WDR7: variants seen among roughly 807,000 people sequenced by gnomAD.
WDR7 encodes WD repeat domain 7, also known as WD repeat-containing protein 7.
A neutral mutation model predicts 169.4 loss-of-function variants in WDR7; 46 were observed. The ratio of observed to expected loss-of-function variants is 0.27; its 90% confidence interval spans 0.21 to 0.35. The LOEUF (loss-of-function observed/expected upper bound fraction) is 0.35, where lower values mean the gene tolerates loss of function less well. Among genes scored for constraint, WDR7 ranks in the 10% least tolerant of loss-of-function variants. The probability of loss-of-function intolerance (pLI) is 1.00; values close to 1 mark genes in which losing one functional copy is unlikely to be tolerated. For synonymous variants in WDR7, 612 were observed against 666.8 expected, an observed-to-expected ratio of 0.92 and a Z score of 1.27; for missense variants, 1,534 against 1,859.3, an observed-to-expected ratio of 0.83 and a Z score of 3.22.
chr18:56,817,270 G>A (rs2044990462), intron 20 of WDR7, among the ~76,000 whole-genome samples: 1 of 151,796 alleles, frequency 6.6e-6, no homozygotes, highest in South Asian at 2.1e-4. Context: ...GCTTGACCTG[G>A]GAGGTGGAGG....
At chr18:56,666,298 G>T (rs2025023167) in intron 1 of WDR7, among the ~76,000 whole-genome samples, 1 of 139,314 alleles carries the variant, frequency 7.2e-6, no homozygotes, top group African/African-American at 2.6e-5. Flanking sequence ...CCGTCTCCCG[G>T]GTTCAAGCGA....
chr18:56,861,067 A>T (rs2045797385), intron 20 of WDR7, among the ~76,000 whole-genome samples: 1 of 152,168 alleles, frequency 6.6e-6, no homozygotes, highest in Non-Finnish European at 1.5e-5. Context: ...TAAAAATATG[A>T]ATTTTTAAAT....
rs985997698 is a variant in WDR7, at chr18:57,029,010, A to G, written c.*1803A>G. The G allele has an allele frequency of 6.5e-6, 1 of 152,684 alleles. No homozygotes were observed. Among genetic ancestry groups the G allele is most frequent in the African/African-American group, 2.4e-5 (1 of 41,464 alleles). 9.5% of individuals were successfully genotyped at this position (152,684 alleles called of 1,614,324 possible). Reference sequence around the variant, plus strand: ...AGGTAAAAGGCTCACTTTGTTTTCCAGTGGGTCCAGAGTCTTCTCTATACC... The same window carrying G: ...AGGTAAAAGGCTCACTTTGTTTTCCGGTGGGTCCAGAGTCTTCTCTATACC... On this transcript the variant is annotated 3_prime_UTR_variant, in exon 28 of 28. Transcript: ENST00000254442.
rs554443657 is a variant in WDR7, at chr18:56,995,011, G to A, written c.4165-25734G>A. ...TTGCTAAAACAATTTAGTTTTTTTA[G>A]TTGCTCTTCGTATTTGTTGTGTTGA... On this transcript the variant is annotated intron_variant, in intron 26 of 27. Coordinates refer to ENST00000254442, the MANE Select transcript of WDR7 (RefSeq NM_015285.3). Among the ~76,000 whole-genome samples, 20 of 152,164 alleles carry A rather than the reference G, an allele frequency of 1.3e-4. No homozygotes were observed. The South Asian group carries it at 4.1e-3, about 32-fold the overall frequency.
intron 20 of WDR7, among the ~76,000 whole-genome samples, chr18:56,845,400 T>C (rs1216219551): frequency 1.3e-5 from 2 of 152,238 alleles, no homozygotes; most frequent in East Asian, 3.9e-4. Context: ...GTATTTTAAA[T>C]ATCTTTTCCA....
At chr18:56,790,836 C>T (rs1047934109) in intron 19 of WDR7, among the ~76,000 whole-genome samples, 2 of 151,994 alleles carry the variant, frequency 1.3e-5, no homozygotes, top group Non-Finnish European at 2.9e-5. Flanking sequence ...ATTTTAGCAC[C>T]TCTAGTACAC....
At chr18:56,662,633 T>G (rs2024928821) in intron 1 of WDR7, among the ~76,000 whole-genome samples, 1 of 152,186 alleles carries the variant, frequency 6.6e-6, no homozygotes, top group Non-Finnish European at 1.5e-5. Context: ...AACGTTCACT[T>G]GAGGCAAACG....
Position 56,789,697 on chromosome 18 carries a change from TG to T in WDR7, c.3190+8042del, listed in dbSNP as rs1252225889. On this transcript the variant is annotated intron_variant, in intron 19 of 27. Transcript: ENST00000254442. Reference sequence around the variant, plus strand: ...TGAAATAACTTTAGATCTTTCTTCATGTCCCCCTTTTCTCATTCACAAGTCT... The same window carrying T: ...TGAAATAACTTTAGATCTTTCTTCATTCCCCCTTTTCTCATTCACAAGTCT... 3.9e-5 allele frequency among the ~76,000 whole-genome samples: 6 copies of T among 152,234 alleles called. No individual in the cohort carries two copies. The East Asian group carries it at 1.2e-3, about 29-fold the overall frequency.
intron 21 of WDR7, among the ~76,000 whole-genome samples, chr18:56,882,752 A>G (rs960267848): frequency 6.6e-6 from 1 of 152,212 alleles, no homozygotes. Flanking sequence ...TGAAACTTTT[A>G]ATATACTCCT....
chr18:56,946,308 G>C (rs1399958181), intron 25 of WDR7, among the ~76,000 whole-genome samples: 1 of 152,174 alleles, frequency 6.6e-6, no homozygotes, highest in Non-Finnish European at 1.5e-5. Flanking sequence ...AGAACATGGT[G>C]GCCCCGTTAT....
At chr18:56,687,092 T>A in intron 7 of WDR7, 118 bp downstream of exon 7, 1 of 983,854 alleles carries the variant, frequency 1.0e-6, no homozygotes, top group East Asian at 2.7e-5. Flanking sequence ...CATTTAGAAT[T>A]CATGTCTGCT....
chr18:56,962,294 T>G, intron 25 of WDR7, 136 bp from the exon 26 acceptor site: 1 of 453,166 alleles, frequency 2.2e-6, no homozygotes, highest in Non-Finnish European at 3.8e-6. Context: ...CATAATATAT[T>G]TATTATGGAT....
At chr18:56,843,284 A>G (rs531340193) in intron 20 of WDR7, among the ~76,000 whole-genome samples, 3 of 152,322 alleles carry the variant, frequency 2.0e-5, no homozygotes, top group African/African-American at 4.8e-5. Flanking sequence ...GTATGTACAC[A>G]TTGTTGTTCA....
intron 25 of WDR7, among the ~76,000 whole-genome samples, chr18:56,959,966 T>C (rs185074500): frequency 3.0e-4 from 46 of 152,282 alleles, no homozygotes; most frequent in African/African-American, 1.1e-3. Flanking sequence ...TAGTGAATAC[T>C]TGGGAAGTGA....
At chr18:56,679,279 G>A (rs597585) in intron 2 of WDR7, 53 bp from the exon 3 acceptor site, 1,443,111 of 1,468,236 alleles carry the variant, frequency 0.98, 712,011 homozygotes, top group East Asian at 1. Flanking sequence ...CACTCAAATA[G>A]AAGGTTAATT....
intron 20 of WDR7, among the ~76,000 whole-genome samples, chr18:56,846,480 A>G (rs1477228104): frequency 1.3e-5 from 2 of 152,066 alleles, no homozygotes; most frequent in Non-Finnish European, 2.9e-5. Context: ...ACTTGCTGCC[A>G]CCATGTAAAA....
At chr18:56,922,036 T>G (rs2145637193) in intron 21 of WDR7, among the ~76,000 whole-genome samples, 1 of 152,332 alleles carries the variant, frequency 6.6e-6, no homozygotes, top group South Asian at 2.1e-4. Context: ...CCAGGGACCC[T>G]TATTGCTTAG....
intron 25 of WDR7, among the ~76,000 whole-genome samples, chr18:56,959,386 T>TCATCATA (rs2047304884): frequency 6.6e-6 from 1 of 152,158 alleles, no homozygotes; most frequent in African/African-American, 2.4e-5. Flanking sequence ...GATGACCACC[T>TCATCATA]CAGCTCCAGC....
intron 26 of WDR7, among the ~76,000 whole-genome samples, chr18:57,008,961 C>A (rs2048102193): frequency 6.6e-6 from 1 of 152,124 alleles, no homozygotes; most frequent in South Asian, 2.1e-4. Context: ...ATAAGCAAAT[C>A]AGAAAATTTT....
Sources: gnomAD v4.1 joint callset for allele counts (sites outside exome capture counted in the v4.1 genomes callset) on GRCh38, gnomAD v4.1.1 for gene constraint, MANE v1.5 for transcripts, NCBI Gene and HGNC (gene_info 2026-07-23, HGNC 2026-07-21) for gene names.